The following INPP4B variants were observed in gnomAD, a reference collection of about 807,000 sequenced individuals.
INPP4B encodes inositol polyphosphate 4-phosphatase type II.
A neutral mutation model predicts 122.5 loss-of-function variants in INPP4B; 55 were observed. That is an observed-to-expected ratio of 0.45 (90% CI 0.36 to 0.56). The LOEUF is 0.56. Among genes scored for constraint, INPP4B ranks in the 20% least tolerant of loss-of-function variants. The pLI is 0.00. For missense variants in INPP4B, 1,000 were observed against 1,097.7 expected, an observed-to-expected ratio of 0.91 and a Z score of 1.26; for synonymous variants, 403 against 388.7, an observed-to-expected ratio of 1.04 and a Z score of -0.43.
At chr4:142,443,378 C>G (rs931256294) in intron 3 of INPP4B, among the ~76,000 whole-genome samples, 7 of 152,016 alleles carry the variant, frequency 4.6e-5, no homozygotes, top group African/African-American at 1.7e-4. Flanking sequence ...GTACAAAGAC[C>G]CACTTGGATC....
chr4:142,189,353 C>T (rs1834692203), intron 15 of INPP4B, among the ~76,000 whole-genome samples: 1 of 152,166 alleles, frequency 6.6e-6, no homozygotes, highest in East Asian at 1.9e-4. Flanking sequence ...TATCTGATTT[C>T]TATGTGAATT....
chr4:142,250,394 A>G (rs889540642), intron 11 of INPP4B, among the ~76,000 whole-genome samples: 10 of 152,216 alleles, frequency 6.6e-5, no homozygotes, highest in South Asian at 2.1e-4. Context: ...AGTACTTCAT[A>G]ACTCACTGGA....
chr4:142,037,149 T>C (rs1381140977), intron 25 of INPP4B, among the ~76,000 whole-genome samples: 1 of 152,210 alleles, frequency 6.6e-6, no homozygotes, highest in African/African-American at 2.4e-5. Context: ...TTGTTAAATC[T>C]GCAGGATAGA....
At chr4:142,806,471 G>T (rs1474959556) in intron 1 of INPP4B, among the ~76,000 whole-genome samples, 1 of 151,830 alleles carries the variant, frequency 6.6e-6, no homozygotes. Flanking sequence ...CCAGGAACAG[G>T]TGGCTCACGC....
chr4:142,087,110 C>T (rs1253264048), intron 23 of INPP4B, among the ~76,000 whole-genome samples: 2 of 152,156 alleles, frequency 1.3e-5, no homozygotes. Context: ...CAGGATGTTT[C>T]ACAGCATCCC....
intron 9 of INPP4B, among the ~76,000 whole-genome samples, chr4:142,286,215 A>G (rs943724304): frequency 1.6e-4 from 24 of 152,332 alleles, no homozygotes; most frequent in African/African-American, 5.3e-4. Context: ...TATTCAACAT[A>G]AAGTACACGG....
intron 14 of INPP4B, among the ~76,000 whole-genome samples, chr4:142,194,974 T>C (rs1837526106): frequency 6.6e-6 from 1 of 152,238 alleles, no homozygotes; most frequent in South Asian, 2.1e-4. Context: ...GTCTTCTGAA[T>C]GGAATGAGTT....
At chr4:142,479,207 G>GA (rs957784537) in intron 2 of INPP4B, among the ~76,000 whole-genome samples, 3 of 151,916 alleles carry the variant, frequency 2.0e-5, no homozygotes, top group African/African-American at 4.8e-5. Context: ...ACAAACATAT[G>GA]AAAAAAATGC....
chr4:142,304,884 T>C (rs898983766), intron 9 of INPP4B, among the ~76,000 whole-genome samples: 9 of 152,312 alleles, frequency 5.9e-5, no homozygotes, highest in Non-Finnish European at 1.2e-4. Flanking sequence ...GTAATTAAAA[T>C]AGTGTGACTT....
intron 2 of INPP4B, among the ~76,000 whole-genome samples, chr4:142,525,278 A>G (rs1384608903): frequency 1.3e-5 from 2 of 151,670 alleles, no homozygotes; most frequent in Non-Finnish European, 2.9e-5. Flanking sequence ...GCTCATGGGT[A>G]GGAAGAATCA....
At chr4:142,267,156 G>T (rs1416613942) in intron 10 of INPP4B, among the ~76,000 whole-genome samples, 5 of 152,156 alleles carry the variant, frequency 3.3e-5, no homozygotes, top group African/African-American at 1.2e-4. Flanking sequence ...CAGATTAAAT[G>T]AATCCCTATC....
chr4:142,651,187 A>G (rs984865244), intron 2 of INPP4B, among the ~76,000 whole-genome samples: 2 of 152,236 alleles, frequency 1.3e-5, no homozygotes, highest in African/African-American at 4.8e-5. Flanking sequence ...ACAAAGAGAC[A>G]ATGTACCAGA....
chr4:142,413,873 T>C (rs980686632), intron 5 of INPP4B, among the ~76,000 whole-genome samples: 3 of 152,124 alleles, frequency 2.0e-5, no homozygotes, highest in East Asian at 3.9e-4. Flanking sequence ...GCATATTCAA[T>C]GGTGATTTAG....
At chr4:142,260,063 C>A (rs1307866889) in intron 11 of INPP4B, among the ~76,000 whole-genome samples, 2 of 152,202 alleles carry the variant, frequency 1.3e-5, no homozygotes, top group Non-Finnish European at 2.9e-5. Flanking sequence ...CGGCTCCCTG[C>A]AACCTCCGCC....
Position 142,519,179 on chromosome 4 carries a change from G to A in INPP4B, c.-190-56453C>T, listed in dbSNP as rs138446032. ...ATATCCAGGAGCAATAGGTGGGCGT[G>A]TACACTTTGATAATCACACACTTTT... On this transcript the variant is annotated intron_variant, in intron 2 of 25. Transcript: ENST00000262992. Among the ~76,000 whole-genome samples, 1,002 of 152,120 alleles carry A rather than the reference G, an allele frequency of 6.6e-3. 5 individuals carry two copies. Among genetic ancestry groups the A allele is most frequent in the Non-Finnish European group, 0.011 (718 of 67,994 alleles).
chr4:142,834,736 G>A (rs1782573826), intron 1 of INPP4B, among the ~76,000 whole-genome samples: 1 of 152,114 alleles, frequency 6.6e-6, no homozygotes, highest in African/African-American at 2.4e-5. Context: ...TATCTACATT[G>A]ATCTCTTTTT....
intron 11 of INPP4B, 69 bp from the exon 12 acceptor site, chr4:142,238,080 A>G: frequency 1.4e-6 from 1 of 714,792 alleles, no homozygotes; most frequent in South Asian, 2.7e-5. Flanking sequence ...CTCAATTAAT[A>G]AAACCATTAA....
At chr4:142,646,490 C>A (rs1053854108) in intron 2 of INPP4B, among the ~76,000 whole-genome samples, 3 of 152,100 alleles carry the variant, frequency 2.0e-5, no homozygotes, top group African/African-American at 7.2e-5. Context: ...GTGATACTTT[C>A]AAAACTCTGT....
At chr4:142,209,571 T>C (rs534823363) in intron 12 of INPP4B, among the ~76,000 whole-genome samples, 53 of 151,776 alleles carry the variant, frequency 3.5e-4, no homozygotes, top group Non-Finnish European at 5.9e-4. Flanking sequence ...GGTGGGTGGA[T>C]CAGCTGAGGT....
Sources: allele counts gnomAD v4.1 joint callset (sites outside exome capture counted in the v4.1 genomes callset), GRCh38; gene constraint gnomAD v4.1.1; transcripts MANE v1.5; gene names NCBI Gene and HGNC (gene_info 2026-07-23, HGNC 2026-07-21).